DBT: variants seen among roughly 807,000 people sequenced by gnomAD.
The protein encoded by DBT is lipoamide acyltransferase component of branched-chain alpha-keto acid dehydrogenase complex, mitochondrial.
Under a neutral mutation model 51.3 loss-of-function variants are expected in DBT, and 40 were observed. That is an observed-to-expected ratio of 0.78 (90% CI 0.61 to 1.02). The LOEUF is 1.02. DBT is among the 50% of genes least tolerant of loss of function. DBT has a pLI of 0.00. For missense variants in DBT, 510 were observed against 580.2 expected (o/e 0.88, Z 1.24); for synonymous variants, 181 against 190.4 (o/e 0.95, Z 0.41).
rs1250082167 is a variant in DBT, at chr1:100,196,263, G to A, written c.1441C>T (p.Leu481=). 4 of 1,613,530 alleles carry A rather than the reference G, an allele frequency of 2.5e-6. No individual in the cohort carries two copies. Among genetic ancestry groups the A allele is most frequent in the Non-Finnish European group, 3.4e-6 (4 of 1,179,830 alleles). ...GAATGTCTTATCAGTCTTCATTTCA[G>A]ATCTAGTAGCATAAAAGCTGGGTTT... ...LENPAFMLLD[L]K Residue 481 remains leucine, a synonymous_variant, in exon 11 of 11, where the codon CTG becomes TTG. Transcript: ENST00000370132.
chr1:100,246,360 T>A (rs559732275), intron 1 of DBT, among the ~76,000 whole-genome samples: 2 of 152,324 alleles, frequency 1.3e-5, no homozygotes, highest in East Asian at 3.9e-4. Flanking sequence ...TAAGGAAATA[T>A]TTAATAATAA....
intron 10 of DBT, among the ~76,000 whole-genome samples, chr1:100,199,365 A>G (rs1450088513): frequency 1.3e-5 from 2 of 152,214 alleles, no homozygotes; most frequent in African/African-American, 4.8e-5. Flanking sequence ...GTTTAAAATA[A>G]CATTTTCAAT....
At chr1:100,210,800 A>G (rs757164944) in intron 7 of DBT, 29 bp from the exon 8 acceptor site, 2 of 1,610,940 alleles carry the variant, frequency 1.2e-6, no homozygotes, top group South Asian at 2.2e-5. Flanking sequence ...ATGCAATTTT[A>G]GTACTTTTAA....
At chr1:100,234,488 A>G (rs1663736317) in intron 3 of DBT, among the ~76,000 whole-genome samples, 2 of 151,904 alleles carry the variant, frequency 1.3e-5, no homozygotes, top group African/African-American at 4.8e-5. Context: ...AAAAAAAAAA[A>G]GTCGAAAATC....
intron 4 of DBT, among the ~76,000 whole-genome samples, chr1:100,222,093 A>C (rs1662884067): frequency 6.6e-6 from 1 of 152,206 alleles, no homozygotes; most frequent in African/African-American, 2.4e-5. Flanking sequence ...TTTTCACTTC[A>C]AATTATTAAA....
In DBT at chr1:100,193,498, A is replaced by G. The variant is rs961835964; in HGVS notation, c.*2757T>C. 6.6e-6 allele frequency: 1 copy of G among 152,232 alleles called. No homozygotes were observed. Among genetic ancestry groups the G allele is most frequent in the Non-Finnish European group, 1.5e-5 (1 of 68,038 alleles). 9.4% of individuals were successfully genotyped at this position (152,232 alleles called of 1,614,324 possible). A position where few individuals can be genotyped will look rare whatever the true frequency, so the allele number is the denominator to read the frequency against. On this transcript the variant is annotated 3_prime_UTR_variant, in exon 11 of 11. Coordinates refer to ENST00000370132, the MANE Select transcript of DBT (RefSeq NM_001918.5). ...ACTAGACTGTAAGCCCAATCAAGGAAGCATGAAGGTGGCTACTGTATGCTT... is the reference window on the plus strand; with the variant it reads ...ACTAGACTGTAAGCCCAATCAAGGAGGCATGAAGGTGGCTACTGTATGCTT...
chr1:100,224,470 T>C (rs990945894), intron 4 of DBT, among the ~76,000 whole-genome samples: 2 of 151,962 alleles, frequency 1.3e-5, no homozygotes, highest in African/African-American at 2.4e-5. Context: ...ATTCTTACAA[T>C]AAAAATATAA....
Position 100,196,300 on chromosome 1 carries a change from T to G in DBT, c.1404A>C (p.Lys468Asn). The stretch of plus-strand genomic sequence containing the variant: ...TAAAAGCTGGGTTTTCTAAATAGGA[T>G]TTCCACAAATTGGAGAAGCGTGACA... ...ATMSRFSNLWKSYLENPAFML... is the reference protein window; with the variant it reads ...ATMSRFSNLWNSYLENPAFML... Residue 468 changes from lysine to asparagine, a missense_variant, in exon 11 of 11, where the codon AAA becomes AAC. By Grantham distance (94) the Lys-to-Asn change is moderately conservative. Transcript: ENST00000370132. 1.9e-6 allele frequency: 3 copies of G among 1,613,926 alleles called. No homozygotes were observed. The highest frequency in any genetic ancestry group is 2.5e-6 in the Non-Finnish European group (3 of 1,179,992).
At chr1:100,228,428 TAA>T (rs1663345884) in intron 4 of DBT, among the ~76,000 whole-genome samples, 1 of 152,148 alleles carries the variant, frequency 6.6e-6, no homozygotes, top group African/African-American at 2.4e-5. Flanking sequence ...ATTTTGGGGA[TAA>T]TTCAGGAAAT....
chr1:100,240,413 C>A (rs1664140491), intron 2 of DBT, among the ~76,000 whole-genome samples: 1 of 152,128 alleles, frequency 6.6e-6, no homozygotes, highest in Non-Finnish European at 1.5e-5. Context: ...CCTGTAATCC[C>A]AGCTCTTTGA....
chr1:100,231,005 T>C (rs1663527649), intron 3 of DBT, 91 bp from the exon 4 acceptor site: 2 of 801,412 alleles, frequency 2.5e-6, no homozygotes, highest in Non-Finnish European at 4.4e-6. Flanking sequence ...GTTAGATCAG[T>C]ATTCATCTAG....
rs200612682 is a variant in DBT, at chr1:100,216,008, G to T, written c.747C>A (p.Gly249=). 4.1e-5 allele frequency: 66 copies of T among 1,603,452 alleles called. No individual in the cohort carries two copies. In the East Asian group the frequency reaches 1.3e-3, roughly 32 times the overall value. Residue 249 remains glycine (G), a synonymous_variant, in exon 6 of 11, where the codon GGC becomes GGA. Coordinates refer to ENST00000370132, the MANE Select transcript of DBT (RefSeq NM_001918.5). ...CTTTTATGGGTTCTGTTTTGTCTTT[G>T]CCTGTGAATACCGGAGGTTTTGATA... The part of the protein sequence containing the change: ...ILVSKPPVFT[G]KDKTEPIKGF...
At chr1:100,240,352 A>T (rs1198297796) in intron 2 of DBT, among the ~76,000 whole-genome samples, 4 of 152,108 alleles carry the variant, frequency 2.6e-5, no homozygotes, top group Non-Finnish European at 4.4e-5. Context: ...GCCCAACACA[A>T]CCCATTCCCA....
intron 10 of DBT, among the ~76,000 whole-genome samples, chr1:100,203,488 C>T (rs1661572453): frequency 6.6e-6 from 1 of 152,150 alleles, no homozygotes; most frequent in Admixed American, 6.5e-5. Flanking sequence ...AGCCCAGGAC[C>T]AGATAGATTA....
chr1:100,210,861 A>C, intron 7 of DBT, 90 bp from the exon 8 acceptor site: 1 of 1,581,570 alleles, frequency 6.3e-7, no homozygotes, highest in Non-Finnish European at 8.6e-7. Flanking sequence ...AAGGAGGGAG[A>C]GAGAGAACTC....
intron 10 of DBT, among the ~76,000 whole-genome samples, chr1:100,197,585 G>A (rs754970959): frequency 2.2e-4 from 33 of 152,168 alleles, no homozygotes; most frequent in Non-Finnish European, 3.2e-4. Context: ...AAAGAAAAGC[G>A]GTGAGAACTG....
intron 1 of DBT, among the ~76,000 whole-genome samples, chr1:100,242,378 C>A (rs1185393702): frequency 6.6e-6 from 1 of 152,012 alleles, no homozygotes; most frequent in African/African-American, 2.4e-5. Flanking sequence ...CTGACAAGAA[C>A]AATACATTTA....
At chr1:100,230,656 T>C in intron 4 of DBT, 77 bp downstream of exon 4, 4 of 847,234 alleles carry the variant, frequency 4.7e-6, no homozygotes, top group Non-Finnish European at 7.4e-6. Context: ...AAAACAAAGA[T>C]CACTTTTAAT....
In DBT at chr1:100,218,322, G is replaced by C. The variant is rs1662615776; in HGVS notation, c.555+304C>G. 3.9e-5 allele frequency among the ~76,000 whole-genome samples: 6 copies of C among 152,048 alleles called. No homozygotes were observed. In the South Asian group the frequency reaches 1.2e-3, roughly 32 times the overall value. On this transcript the variant is annotated intron_variant, in intron 5 of 10. Coordinates refer to ENST00000370132, the MANE Select transcript of DBT (RefSeq NM_001918.5). ...CCTTCAAATTCCTATCTCATGCTGT[G>C]CCTCTAGAGCACCTGACATAAGACC...
Sources: gnomAD v4.1 joint callset for allele counts (sites outside exome capture counted in the v4.1 genomes callset) on GRCh38, gnomAD v4.1.1 for gene constraint, MANE v1.5 for transcripts, NCBI Gene and HGNC (gene_info 2026-07-23, HGNC 2026-07-21) for gene names.